MEF2C: variants seen among roughly 807,000 people sequenced by gnomAD.
The protein encoded by MEF2C is myocyte-specific enhancer factor 2C.
A neutral mutation model predicts 50.5 loss-of-function variants in MEF2C; 6 were observed. The ratio of observed to expected loss-of-function variants is 0.12; its 90% confidence interval spans 0.07 to 0.23. MEF2C has a LOEUF of 0.23. Ranked by LOEUF, MEF2C falls within the 10% of genes least tolerant of loss-of-function variation. MEF2C has a pLI of 1.00. For missense variants in MEF2C, 276 were observed against 605.0 expected (o/e 0.46, Z 5.70); for synonymous variants, 183 against 228.0 (o/e 0.80, Z 1.78).
intron 2 of MEF2C, among the ~76,000 whole-genome samples, chr5:88,810,169 T>C (rs951294913): frequency 1.6e-4 from 24 of 152,126 alleles, no homozygotes; most frequent in Non-Finnish European, 2.4e-4. Flanking sequence ...TAGATGCTTT[T>C]TTACTTGCCT....
chr5:88,742,483 C>A, intron 6 of MEF2C: 1 of 979,058 alleles, frequency 1.0e-6, no homozygotes, highest in Non-Finnish European at 1.2e-6. Context: ...AGAAACCAAT[C>A]TTCACAGTAC....
intron 1 of MEF2C, among the ~76,000 whole-genome samples, chr5:88,893,130 G>A (rs1161979270): frequency 6.6e-6 from 1 of 152,022 alleles, no homozygotes; most frequent in Middle Eastern, 3.2e-3. Context: ...GATTAAGTAT[G>A]TATTACAGAA....
At chr5:88,870,072 G>A (rs183636058) in intron 1 of MEF2C, among the ~76,000 whole-genome samples, 1 of 151,026 alleles carries the variant, frequency 6.6e-6, no homozygotes, top group Non-Finnish European at 1.5e-5. Context: ...TTAGTATGAG[G>A]GAAGATATGT....
intron 6 of MEF2C, chr5:88,739,064 T>TTAC (rs1765324693): frequency 1.0e-6 from 1 of 984,628 alleles, no homozygotes; most frequent in Non-Finnish European, 1.2e-6. Context: ...GCTTACTTAC[T>TTAC]TACTGTCAAT....
intron 1 of MEF2C, among the ~76,000 whole-genome samples, chr5:88,847,285 C>T (rs1819672048): frequency 6.6e-6 from 1 of 152,052 alleles, no homozygotes; most frequent in African/African-American, 2.4e-5. Flanking sequence ...ATAAATCACA[C>T]CCTGAAAGAA....
At chr5:88,863,852 C>T (rs368809927) in intron 1 of MEF2C, among the ~76,000 whole-genome samples, 1 of 147,690 alleles carries the variant, frequency 6.8e-6, no homozygotes, top group East Asian at 2.0e-4. Flanking sequence ...GAGAGAGCCT[C>T]GCTCTGTCTC....
intron 2 of MEF2C, among the ~76,000 whole-genome samples, chr5:88,807,439 A>AC (rs1464204733): frequency 1.3e-5 from 2 of 152,106 alleles, no homozygotes; most frequent in Non-Finnish European, 2.9e-5. Flanking sequence ...TCCCTATGTT[A>AC]CCCAGGCTGT....
At chr5:88,792,384 T>C (rs1794180742) in intron 3 of MEF2C, among the ~76,000 whole-genome samples, 1 of 152,170 alleles carries the variant, frequency 6.6e-6, no homozygotes, top group Non-Finnish European at 1.5e-5. Context: ...CTTTTAGTTT[T>C]ATGGTGAGTG....
At chr5:88,823,216 A>C (rs1388242642) in intron 2 of MEF2C, among the ~76,000 whole-genome samples, 1 of 151,962 alleles carries the variant, frequency 6.6e-6, no homozygotes, top group Non-Finnish European at 1.5e-5. Flanking sequence ...TAAGTTATTA[A>C]TATCTTGTGT....
chr5:88,803,412 T>C (rs768760070), intron 3 of MEF2C, among the ~76,000 whole-genome samples: 2 of 152,174 alleles, frequency 1.3e-5, no homozygotes, highest in African/African-American at 2.4e-5. Context: ...AAAAGGGAGA[T>C]GGATGTGGGA....
rs775453901 is a variant in MEF2C at position 88,722,585 on chromosome 5, C to A, written c.*19G>T. On this transcript the variant is annotated 3_prime_UTR_variant, in exon 11 of 11. Coordinates refer to ENST00000504921, the MANE Select transcript of MEF2C (RefSeq NM_002397.5). ...ACACACTGCAAGAAAAAAAAAAAAACTAGTAAGTAATAATCTGATCATGTT... is the reference window on the plus strand; with the variant it reads ...ACACACTGCAAGAAAAAAAAAAAAAATAGTAAGTAATAATCTGATCATGTT... 2.7e-5 allele frequency: 42 copies of A among 1,541,198 alleles called. No individual in the cohort carries two copies. Among genetic ancestry groups the A allele is most frequent in the Non-Finnish European group, 3.6e-5 (41 of 1,134,884 alleles).
At chr5:88,898,512 C>T (rs1835333131) in intron 1 of MEF2C, among the ~76,000 whole-genome samples, 2 of 152,118 alleles carry the variant, frequency 1.3e-5, no homozygotes, top group South Asian at 4.1e-4. Flanking sequence ...AGGACTGGCA[C>T]TGGTCATAGT....
intron 9 of MEF2C, 54 bp downstream of exon 9, chr5:88,729,164 G>T: frequency 1.2e-6 from 2 of 1,603,766 alleles, no homozygotes; most frequent in South Asian, 2.2e-5. Flanking sequence ...TTTTCATCTT[G>T]ATTTTCAATA....
chr5:88,806,738 C>T (rs1361835395), intron 2 of MEF2C, among the ~76,000 whole-genome samples: 4 of 149,802 alleles, frequency 2.7e-5, no homozygotes, highest in African/African-American at 9.9e-5. Context: ...CAAATATATA[C>T]AAAAATATGC....
intron 5 of MEF2C, among the ~76,000 whole-genome samples, chr5:88,750,723 T>C (rs2152513974): frequency 6.6e-6 from 1 of 152,336 alleles, no homozygotes; most frequent in Non-Finnish European, 1.5e-5. Context: ...AAGTCCTTTG[T>C]ATACATTTCC....
intron 1 of MEF2C, chr5:88,843,347 T>TC (rs1193309044): frequency 9.2e-5 from 90 of 983,436 alleles, no homozygotes; most frequent in Middle Eastern, 5.2e-4. Context: ...TAAATTTGGT[T>TC]CCCCCCAAAA....
At chr5:88,739,957 G>A (rs1418819107) in intron 6 of MEF2C, 1 of 984,916 alleles carries the variant, frequency 1.0e-6, no homozygotes, top group Non-Finnish European at 1.2e-6. Flanking sequence ...GTTTCTTAGG[G>A]AAATTATATA....
intron 6 of MEF2C, chr5:88,742,940 T>C: frequency 2.1e-6 from 2 of 974,854 alleles, no homozygotes; most frequent in Non-Finnish European, 2.4e-6. Flanking sequence ...AAAAATATCA[T>C]TGTTACTTAA....
upstream of MEF2C, chr5:88,884,272 G>T (rs888269098): frequency 5.9e-5 from 9 of 152,174 alleles, no homozygotes; most frequent in South Asian, 2.1e-4. Context: ...CCCCCTTTTG[G>T]ACACGCGTTA....
Sources: allele counts gnomAD v4.1 joint callset (sites outside exome capture counted in the v4.1 genomes callset), GRCh38; gene constraint gnomAD v4.1.1; transcripts MANE v1.5; gene names NCBI Gene and HGNC (gene_info 2026-07-23, HGNC 2026-07-21).